The following SRPK1 variants were observed in gnomAD, a reference collection of about 807,000 sequenced individuals.
SRPK1 encodes SRSF protein kinase 1.
Under a neutral mutation model 89.5 loss-of-function variants are expected in SRPK1, and 52 were observed. The observed-to-expected ratio is 0.58, with a 90% CI of 0.46 to 0.73. The LOEUF is 0.73. SRPK1 is among the 30% of genes least tolerant of loss of function. The pLI is 0.00. For synonymous variants in SRPK1, 255 were observed against 270.2 expected (o/e 0.94, Z 0.55); for missense variants, 603 against 780.6 (o/e 0.77, Z 2.71).
At chr6:35,909,585 G>A (rs1233218100) in intron 2 of SRPK1, among the ~76,000 whole-genome samples, 1 of 152,184 alleles carries the variant, frequency 6.6e-6, no homozygotes, top group Non-Finnish European at 1.5e-5. Flanking sequence ...TCTGGGAGGG[G>A]CCAAGAGTGA....
intron 12 of SRPK1, among the ~76,000 whole-genome samples, chr6:35,862,335 A>G (rs1490810076): frequency 6.6e-6 from 1 of 152,094 alleles, no homozygotes; most frequent in Admixed American, 6.6e-5. Flanking sequence ...CTGGCATCCA[A>G]GTCCCCAGCA....
At chr6:35,886,334 C>T (rs1476955557) in intron 6 of SRPK1, among the ~76,000 whole-genome samples, 1 of 152,156 alleles carries the variant, frequency 6.6e-6, no homozygotes. Flanking sequence ...CCTGCCTCGG[C>T]CTCCCAAAGT....
At chr6:35,845,354 G>A (rs1192117306) in intron 13 of SRPK1, among the ~76,000 whole-genome samples, 4 of 152,116 alleles carry the variant, frequency 2.6e-5, no homozygotes, top group Non-Finnish European at 5.9e-5. Context: ...TGTGTGTGGG[G>A]AGCATATAAA....
chr6:35,920,525 A>T lies in SRPK1; in HGVS notation c.17T>A (p.Leu6His), dbSNP rs1771211319. 1.2e-6 allele frequency: 2 copies of T among 1,612,934 alleles called. No homozygotes were observed. Among genetic ancestry groups the T allele is most frequent in the Admixed American group, 1.7e-5 (1 of 59,972 alleles). The change falls in exon 2 of 16, where the codon CTT (leucine) becomes CAT (histidine). Residue 6 changes from leucine (L) to histidine (H), a missense_variant. Coordinates refer to ENST00000373825, the MANE Select transcript of SRPK1 (RefSeq NM_003137.5). ...CCTTTTCTTTCGGGCCTGGAGCGCAAGCACTGCAGGAGAGAGGGATGGATG... is the reference window on the plus strand; with the variant it reads ...CCTTTTCTTTCGGGCCTGGAGCGCATGCACTGCAGGAGAGAGGGATGGATG... The part of the protein sequence containing the change: MERKV[L>H]ALQARKKRTK...
chr6:35,887,533 G>T (rs974656780), intron 5 of SRPK1, among the ~76,000 whole-genome samples: 1 of 152,132 alleles, frequency 6.6e-6, no homozygotes, highest in African/African-American at 2.4e-5. Context: ...TACCACACTG[G>T]CATATTCCTA....
Position 35,835,276 on chromosome 6 carries a change from G to C in SRPK1, c.*28C>G. 2 of 1,593,542 alleles carry C rather than the reference G, an allele frequency of 1.3e-6. No individual in the cohort carries two copies. Among genetic ancestry groups the C allele is most frequent in the South Asian group, 1.1e-5 (1 of 89,284 alleles). On this transcript the variant is annotated 3_prime_UTR_variant, in exon 16 of 16. Transcript: ENST00000373825. ...GGGGAAGGGCGGAGGGTCAGTGTGT[G>C]ATCTCTGCTGTGGTGCTGGGCAGGG...
rs1253416805 is a variant in SRPK1 at position 35,833,003 on chromosome 6, C to G, written c.*2301G>C. The stretch of plus-strand genomic sequence containing the variant: ...TTTACTCAGGGCAGAGCAATTTGGA[C>G]AACAAATGAACAGAGATTTTTGGAA... On this transcript the variant is annotated 3_prime_UTR_variant, in exon 16 of 16. Coordinates refer to ENST00000373825, the MANE Select transcript of SRPK1 (RefSeq NM_003137.5). 6.6e-6 allele frequency: 1 copy of G among 152,490 alleles called. No homozygotes were observed. The highest frequency in any genetic ancestry group is 1.5e-5 in the Non-Finnish European group (1 of 68,004). 9.4% of individuals were successfully genotyped at this position (152,490 alleles called of 1,614,324 possible). A position where few individuals can be genotyped will look rare whatever the true frequency, so the allele number is the denominator to read the frequency against.
At chr6:35,909,297 G>A (rs1770911983) in intron 2 of SRPK1, among the ~76,000 whole-genome samples, 1 of 152,250 alleles carries the variant, frequency 6.6e-6, no homozygotes, top group African/African-American at 2.4e-5. Flanking sequence ...TTAAAATTTA[G>A]TGACAGCCCG....
intron 6 of SRPK1, among the ~76,000 whole-genome samples, chr6:35,882,963 C>G (rs1241120205): frequency 1.3e-5 from 2 of 152,140 alleles, no homozygotes; most frequent in African/African-American, 4.8e-5. Flanking sequence ...CACGTGCCAC[C>G]ACGCCTCGCT....
intron 12 of SRPK1, among the ~76,000 whole-genome samples, chr6:35,865,275 G>A (rs940428505): frequency 1.3e-5 from 2 of 151,920 alleles, no homozygotes; most frequent in Non-Finnish European, 2.9e-5. Context: ...TTGCATGCCT[G>A]TATCAAAACA....
intron 2 of SRPK1, 132 bp downstream of exon 2, chr6:35,920,336 C>T (rs750610834): frequency 2.1e-6 from 2 of 933,620 alleles, no homozygotes; most frequent in Admixed American, 1.8e-5. Flanking sequence ...AGCGACCCTC[C>T]GAGCTGCCCC....
At chr6:35,852,870 C>T (rs1769583872) in intron 13 of SRPK1, among the ~76,000 whole-genome samples, 1 of 152,120 alleles carries the variant, frequency 6.6e-6, no homozygotes, top group South Asian at 2.1e-4. Flanking sequence ...TGGGTGTCTG[C>T]AGGTTCCACA....
chr6:35,891,133 T>C, intron 2 of SRPK1, 120 bp from the exon 3 acceptor site: 7 of 1,199,698 alleles, frequency 5.8e-6, no homozygotes, highest in Non-Finnish European at 7.6e-6. Context: ...TATTACCAAG[T>C]GGCAGCCTAG....
chr6:35,870,251 A>G, intron 10 of SRPK1, 30 bp downstream of exon 10: 1 of 1,582,710 alleles, frequency 6.3e-7, no homozygotes, highest in East Asian at 2.2e-5. Context: ...AGTGTGTTGT[A>G]CAGTAATTTT....
intron 12 of SRPK1, among the ~76,000 whole-genome samples, chr6:35,858,594 C>T (rs1254368431): frequency 1.3e-5 from 2 of 152,112 alleles, no homozygotes; most frequent in African/African-American, 2.4e-5. Context: ...TGTTTTCTAA[C>T]CTAGAATTCT....
intron 15 of SRPK1, among the ~76,000 whole-genome samples, chr6:35,837,041 C>T (rs900502604): frequency 1.1e-4 from 16 of 152,112 alleles, no homozygotes; most frequent in Admixed American, 3.3e-4. Flanking sequence ...GGAACCATGG[C>T]ACAATGGGGG....
chr6:35,898,964 C>G (rs1770684238), intron 2 of SRPK1, among the ~76,000 whole-genome samples: 1 of 152,120 alleles, frequency 6.6e-6, no homozygotes. Flanking sequence ...AGTTCAAGAC[C>G]AGCCTAGCCA....
At chr6:35,863,647 G>A (rs574663507) in intron 12 of SRPK1, among the ~76,000 whole-genome samples, 2 of 150,510 alleles carry the variant, frequency 1.3e-5, no homozygotes, top group South Asian at 4.2e-4. Flanking sequence ...AGGGGGAGGG[G>A]AGACTTTCCC....
Position 35,869,784 on chromosome 6 carries a change from T to C in SRPK1, c.1109A>G (p.Asn370Ser), listed in dbSNP as rs1222617266. The C allele has an allele frequency of 6.2e-7, 1 of 1,613,744 alleles. No individual in the cohort carries two copies. Among genetic ancestry groups the C allele is most frequent in the Non-Finnish European group, 8.5e-7 (1 of 1,179,820 alleles). Residue 370 changes from asparagine to serine, a missense_variant, in exon 11 of 16, where the codon AAT becomes AGT. By Grantham distance (46) the Asn-to-Ser change is conservative (BLOSUM62 1). Transcript: ENST00000373825. ...IEVINYTQNS[N>S]NETLRHKEDL... is the part of the protein sequence containing the mutation. ...CTCTTTATGTCTCAATGTTTCATTA[T>C]TACTGTTCTGAGTATAATTAATGAC...
Sources: allele counts gnomAD v4.1 joint callset (sites outside exome capture counted in the v4.1 genomes callset), GRCh38; gene constraint gnomAD v4.1.1; transcripts MANE v1.5; gene names NCBI Gene and HGNC (gene_info 2026-07-23, HGNC 2026-07-21).